The following ITGA9 variants were observed in gnomAD, a reference collection of about 807,000 sequenced individuals.
The protein encoded by ITGA9 is integrin alpha-9.
In ITGA9, 56 loss-of-function variants were observed where a neutral mutation model predicts 127.8. That is an observed-to-expected ratio of 0.44 (90% CI 0.35 to 0.55). The LOEUF (loss-of-function observed/expected upper bound fraction) is 0.55, where lower values mean the gene tolerates loss of function less well. Among genes scored for constraint, ITGA9 ranks in the 20% least tolerant of loss-of-function variants. The probability of loss-of-function intolerance (pLI) is 0.00; values close to 1 mark genes in which losing one functional copy is unlikely to be tolerated. For synonymous variants in ITGA9, 508 were observed against 514.5 expected, an observed-to-expected ratio of 0.99 and a Z score of 0.17; for missense variants, 1,196 against 1,347.1, an observed-to-expected ratio of 0.89 and a Z score of 1.76.
intron 15 of ITGA9, among the ~76,000 whole-genome samples, chr3:37,552,006 G>A (rs1699382866): frequency 6.6e-6 from 1 of 152,252 alleles, no homozygotes; most frequent in African/African-American, 2.4e-5. Flanking sequence ...TGGCTTTCAA[G>A]GCAAGACTGA....
At chr3:37,651,346 C>T (rs961369488) in intron 16 of ITGA9, among the ~76,000 whole-genome samples, 8 of 152,192 alleles carry the variant, frequency 5.3e-5, no homozygotes, top group African/African-American at 1.9e-4. Context: ...GGCTAAGAGA[C>T]AGTACTTTGG....
At chr3:37,599,121 C>A (rs932981614) in intron 15 of ITGA9, among the ~76,000 whole-genome samples, 5 of 152,238 alleles carry the variant, frequency 3.3e-5, no homozygotes, top group Non-Finnish European at 7.3e-5. Flanking sequence ...CCCTGAGCAA[C>A]AGAAGTGCAT....
At chr3:37,698,268 T>C (rs1356628826) in intron 18 of ITGA9, among the ~76,000 whole-genome samples, 1 of 152,242 alleles carries the variant, frequency 6.6e-6, no homozygotes, top group East Asian at 1.9e-4. Flanking sequence ...TGCAAAAATT[T>C]TCTCCCATTT....
intron 23 of ITGA9, among the ~76,000 whole-genome samples, chr3:37,764,466 T>TTAAAAA (rs749362710): frequency 2.7e-5 from 2 of 74,656 alleles, no homozygotes; most frequent in African/African-American, 1.1e-4. Context: ...AGATTCTCAG[T>TTAAAAA]AAAAAAAAAA....
rs373650272 is a variant in ITGA9, at chr3:37,561,860, T to G, written c.1689+19275T>G. Among the ~76,000 whole-genome samples, 511 of 152,238 alleles carry G rather than the reference T, an allele frequency of 3.4e-3. 5 individuals are homozygous for G. Among genetic ancestry groups the G allele is most frequent in the African/African-American group, 0.011 (476 of 41,490 alleles). On this transcript the variant is annotated intron_variant, in intron 15 of 27. Transcript: ENST00000264741. Reference sequence around the variant, plus strand: ...TACAAGCCTTCCGGGGACTCATCTCTCAGCCCTGTTATTATTCTCAGGGAT... The same window carrying G: ...TACAAGCCTTCCGGGGACTCATCTCGCAGCCCTGTTATTATTCTCAGGGAT...
At chr3:37,706,286 C>T (rs1443273792) in intron 18 of ITGA9, among the ~76,000 whole-genome samples, 3 of 152,188 alleles carry the variant, frequency 2.0e-5, no homozygotes, top group African/African-American at 4.8e-5. Flanking sequence ...CCCTTTCCGT[C>T]TCAGTTGGAC....
chr3:37,667,121 C>T (rs1381586258), intron 17 of ITGA9, among the ~76,000 whole-genome samples: 2 of 152,104 alleles, frequency 1.3e-5, no homozygotes, highest in African/African-American at 4.8e-5. Flanking sequence ...GATGATATCT[C>T]CTGTACCCGC....
chr3:37,609,879 G>A (rs750885686), intron 15 of ITGA9, among the ~76,000 whole-genome samples: 1 of 152,190 alleles, frequency 6.6e-6, no homozygotes, highest in Non-Finnish European at 1.5e-5. Flanking sequence ...TTGGGGAATT[G>A]GACCCTACAT....
chr3:37,817,597 C>T lies in ITGA9; in HGVS notation c.3010-1294C>T, dbSNP rs562896911. Among the ~76,000 whole-genome samples, 13 of 152,194 alleles carry T rather than the reference C, an allele frequency of 8.5e-5. No individual in the cohort carries two copies. The South Asian group carries it at 1.7e-3, about 19-fold the overall frequency. ...GAGGGAGCTGGGGTATTTGTACACCCGATACAGTCAGCCTTGTTTAAAGGA... is the reference window on the plus strand; with the variant it reads ...GAGGGAGCTGGGGTATTTGTACACCTGATACAGTCAGCCTTGTTTAAAGGA... On this transcript the variant is annotated intron_variant, in intron 27 of 27. Coordinates refer to ENST00000264741, the MANE Select transcript of ITGA9 (RefSeq NM_002207.3).
At chr3:37,720,966 T>C (rs1701183777) in intron 18 of ITGA9, among the ~76,000 whole-genome samples, 1 of 152,172 alleles carries the variant, frequency 6.6e-6, no homozygotes, top group African/African-American at 2.4e-5. Flanking sequence ...AAAGCACTTT[T>C]TTCCTCAGGG....
chr3:37,668,446 C>A (rs1384710907), intron 17 of ITGA9, among the ~76,000 whole-genome samples: 1 of 152,158 alleles, frequency 6.6e-6, no homozygotes. Context: ...TCCCTTGTGA[C>A]TGGACGCAAG....
chr3:37,661,354 G>A (rs544453968), intron 17 of ITGA9, among the ~76,000 whole-genome samples: 2 of 152,234 alleles, frequency 1.3e-5, no homozygotes, highest in South Asian at 2.1e-4. Context: ...GAGGACCCCT[G>A]GCCTCTCAAA....
At chr3:37,598,209 GT>G (rs1208675462) in intron 15 of ITGA9, among the ~76,000 whole-genome samples, 2 of 152,136 alleles carry the variant, frequency 1.3e-5, no homozygotes, top group Admixed American at 6.5e-5. Flanking sequence ...TATGACGCAG[GT>G]ATAGAAATAA....
chr3:37,668,727 C>G (rs1027219938), intron 17 of ITGA9, among the ~76,000 whole-genome samples: 1 of 152,194 alleles, frequency 6.6e-6, no homozygotes, highest in Non-Finnish European at 1.5e-5. Flanking sequence ...TGCACACACC[C>G]TCTCATCAGC....
intron 16 of ITGA9, among the ~76,000 whole-genome samples, chr3:37,631,838 C>A (rs531138932): frequency 6.6e-6 from 1 of 152,280 alleles, no homozygotes; most frequent in East Asian, 1.9e-4. Context: ...GTCCCCACCC[C>A]TACAGGCTTC....
intron 18 of ITGA9, among the ~76,000 whole-genome samples, chr3:37,694,515 C>T (rs1453580743): frequency 6.6e-6 from 1 of 152,232 alleles, no homozygotes; most frequent in African/African-American, 2.4e-5. Context: ...CGGGGCTCAG[C>T]TTTCACGTAT....
At chr3:37,557,776 A>C (rs1017775285) in intron 15 of ITGA9, among the ~76,000 whole-genome samples, 3 of 152,226 alleles carry the variant, frequency 2.0e-5, no homozygotes, top group Non-Finnish European at 2.9e-5. Context: ...GATTATATAC[A>C]GAAAATTGTA....
intron 15 of ITGA9, among the ~76,000 whole-genome samples, chr3:37,594,587 T>A (rs1055924488): frequency 2.6e-5 from 4 of 152,082 alleles, no homozygotes; most frequent in African/African-American, 9.7e-5. Context: ...GGGAGCCCCA[T>A]GGCCAGGATT....
chr3:37,782,359 G>A (rs1559597243), intron 25 of ITGA9, among the ~76,000 whole-genome samples: 1 of 152,194 alleles, frequency 6.6e-6, no homozygotes, highest in Non-Finnish European at 1.5e-5. Context: ...CTGCAGCCTG[G>A]TTCTTCTGCT....
Sources: allele counts gnomAD v4.1 joint callset (sites outside exome capture counted in the v4.1 genomes callset), GRCh38; gene constraint gnomAD v4.1.1; transcripts MANE v1.5; gene names NCBI Gene and HGNC (gene_info 2026-07-23, HGNC 2026-07-21).